DPF3: variants seen among roughly 807,000 people sequenced by gnomAD.
DPF3 encodes zinc finger protein DPF3.
DPF3 carries 18 observed loss-of-function variants against 56.8 expected under a neutral mutation model. That is an observed-to-expected ratio of 0.32 (90% CI 0.22 to 0.47). The LOEUF is 0.47. DPF3 is among the 20% of genes least tolerant of loss of function. The probability of loss-of-function intolerance (pLI) is 1.00; values close to 1 mark genes in which losing one functional copy is unlikely to be tolerated. For synonymous variants in DPF3, 188 were observed against 180.2 expected, an observed-to-expected ratio of 1.04 and a Z score of -0.35; for missense variants, 403 against 488.8, an observed-to-expected ratio of 0.82 and a Z score of 1.65.
At chr14:72,774,011 G>T in intron 1 of DPF3, 2 of 453,454 alleles carry the variant, frequency 4.4e-6, no homozygotes, top group South Asian at 3.1e-5. Flanking sequence ...CAGGCTGGGC[G>T]CAGTGGCTCA....
intron 1 of DPF3, among the ~76,000 whole-genome samples, chr14:72,868,438 TGGGA>T (rs1885765000): frequency 1.3e-5 from 2 of 152,226 alleles, no homozygotes; most frequent in Non-Finnish European, 2.9e-5. Context: ...TATGCAGGGC[TGGGA>T]GGAACAATGG....
chr14:72,822,274 G>A (rs1344904739), intron 1 of DPF3, among the ~76,000 whole-genome samples: 2 of 152,212 alleles, frequency 1.3e-5, no homozygotes, highest in East Asian at 1.9e-4. Context: ...CCAGCTACTC[G>A]GGAGGCTGAG....
chr14:72,792,219 A>C (rs1892467400), intron 1 of DPF3, among the ~76,000 whole-genome samples: 1 of 151,982 alleles, frequency 6.6e-6, no homozygotes, highest in South Asian at 2.1e-4. Context: ...AGTCAGGCCC[A>C]GGACTGTCAC....
At chr14:72,690,013 A>C (rs1887605047) in intron 7 of DPF3, among the ~76,000 whole-genome samples, 1 of 152,174 alleles carries the variant, frequency 6.6e-6, no homozygotes, top group Non-Finnish European at 1.5e-5. Context: ...AGGAGGTTTT[A>C]AACCCTTGGC....
chr14:72,676,588 G>A (rs982619182), intron 7 of DPF3, among the ~76,000 whole-genome samples: 1 of 152,200 alleles, frequency 6.6e-6, no homozygotes, highest in Non-Finnish European at 1.5e-5. Context: ...GACTGAGTAG[G>A]ATATAATTGA....
chr14:72,790,669 G>A (rs954864048), intron 1 of DPF3, among the ~76,000 whole-genome samples: 1 of 152,128 alleles, frequency 6.6e-6, no homozygotes, highest in Non-Finnish European at 1.5e-5. Flanking sequence ...AATAGGGTAA[G>A]ACTTAACCCC....
intron 1 of DPF3, among the ~76,000 whole-genome samples, chr14:72,805,051 G>GACACACACACACACACAC (rs138162317): frequency 0.013 from 1,874 of 146,386 alleles, 15 homozygotes; most frequent in Admixed American, 0.014. Flanking sequence ...CACAGCCCTG[G>GACACACACACACACACAC]ACACACACAC....
chr14:72,750,975 G>A (rs2139896990), intron 3 of DPF3, among the ~76,000 whole-genome samples: 1 of 152,180 alleles, frequency 6.6e-6, no homozygotes, highest in Middle Eastern at 3.4e-3. Context: ...AGGATTATCT[G>A]AAGCCAGGAG....
chr14:72,814,367 C>T (rs555983323), intron 1 of DPF3, among the ~76,000 whole-genome samples: 27 of 152,270 alleles, frequency 1.8e-4, no homozygotes, highest in African/African-American at 6.3e-4. Flanking sequence ...GAGAGTCCAG[C>T]AGGGATTAGA....
chr14:72,764,224 A>G (rs1440445247), intron 2 of DPF3, among the ~76,000 whole-genome samples: 3 of 152,206 alleles, frequency 2.0e-5, no homozygotes, highest in African/African-American at 7.2e-5. Context: ...TAGTTGAGCT[A>G]GTCACTAATG....
At chr14:72,752,533 C>T (rs1156852041) in intron 3 of DPF3, among the ~76,000 whole-genome samples, 1 of 152,152 alleles carries the variant, frequency 6.6e-6, no homozygotes, top group Non-Finnish European at 1.5e-5. Context: ...AGTGGTGGTG[C>T]ACATTTGTAA....
At chr14:72,653,401 A>G (rs1755900775) in intron 8 of DPF3, among the ~76,000 whole-genome samples, 1 of 152,244 alleles carries the variant, frequency 6.6e-6, no homozygotes. Flanking sequence ...CTCAGGGGCC[A>G]GCGAGGAGCC....
At chr14:72,838,898 C>CATATATATATATAT (rs1487324297) in intron 1 of DPF3, among the ~76,000 whole-genome samples, 5 of 80,672 alleles carry the variant, frequency 6.2e-5, no homozygotes, top group African/African-American at 9.9e-5. Flanking sequence ...TATATATTAT[C>CATATATATATATAT]ATATATATTC....
intron 7 of DPF3, chr14:72,679,289 G>A (rs1041371606): frequency 6.6e-6 from 1 of 152,282 alleles, no homozygotes. Context: ...CCAGAGCTGC[G>A]TCCCAAGCAT....
chr14:72,869,355 C>A (rs1249975662), intron 1 of DPF3, among the ~76,000 whole-genome samples: 1 of 152,170 alleles, frequency 6.6e-6, no homozygotes, highest in East Asian at 1.9e-4. Context: ...GTTTGGCTCA[C>A]CATCATGTAC....
At chr14:72,710,018 G>A (rs924919682) in intron 6 of DPF3, among the ~76,000 whole-genome samples, 3 of 152,214 alleles carry the variant, frequency 2.0e-5, no homozygotes, top group Non-Finnish European at 4.4e-5. Flanking sequence ...GAGACAAAAT[G>A]TTCTCCCTGA....
chr14:72,800,375 T>TGG (rs1338972438), intron 1 of DPF3, among the ~76,000 whole-genome samples: 10 of 34,992 alleles, frequency 2.9e-4, no homozygotes, highest in African/African-American at 3.8e-4. Context: ...GATAAATAGA[T>TGG]AAATGGATGG....
chr14:72,680,936 C>G (rs1248319155), intron 7 of DPF3, among the ~76,000 whole-genome samples: 1 of 152,206 alleles, frequency 6.6e-6, no homozygotes, highest in Non-Finnish European at 1.5e-5. Flanking sequence ...AAGAAAGAGA[C>G]AGAAAAGCCA....
rs192141791 is a variant in DPF3, at chr14:72,659,902, C to G, written c.871+14338G>C. Among the ~76,000 whole-genome samples, 3 of 152,102 alleles carry G rather than the reference C, an allele frequency of 2.0e-5. 1 individual carries two copies. Among genetic ancestry groups the G allele is most frequent in the Non-Finnish European group, 2.9e-5 (2 of 68,018 alleles). On this transcript the variant is annotated intron_variant, in intron 8 of 10. Transcript: ENST00000556509. ...AAGTAGGGAAAGTTTGACACATCTACGTAAATAATCCTTGAAGATATTACA... is the reference window on the plus strand; with the variant it reads ...AAGTAGGGAAAGTTTGACACATCTAGGTAAATAATCCTTGAAGATATTACA...
Sources: gnomAD v4.1 joint callset for allele counts (sites outside exome capture counted in the v4.1 genomes callset) on GRCh38, gnomAD v4.1.1 for gene constraint, MANE v1.5 for transcripts, NCBI Gene and HGNC (gene_info 2026-07-23, HGNC 2026-07-21) for gene names.